Variants in PDCD4 observed in about 807,000 individuals in gnomAD.
PDCD4 encodes the protein programmed cell death 4, also known as programmed cell death protein 4.
Under a neutral mutation model 54.0 loss-of-function variants are expected in PDCD4, and 56 were observed. The ratio of observed to expected loss-of-function variants is 1.04; its 90% CI spans 0.84 to 1.30. The LOEUF is 1.30. PDCD4 is among the 50% of genes most tolerant of loss of function. The probability of loss-of-function intolerance (pLI) is 0.00; values close to 1 mark genes in which losing one functional copy is unlikely to be tolerated. For synonymous variants in PDCD4, 186 were observed against 194.8 expected (o/e 0.95, Z 0.37); for missense variants, 584 against 559.8 (o/e 1.04, Z -0.44).
Position 110,889,601 on chromosome 10 carries a change from C to G in PDCD4, c.846C>G (p.Tyr282Ter). The change falls in exon 7 of 12, where the codon TAC becomes TAG. Residue 282 changes from tyrosine to a stop codon, truncating the protein, a stop_gained. Transcript: ENST00000280154. LOFTEE classifies it high-confidence loss of function. The stretch of plus-strand genomic sequence containing the variant: ...TATGTAATACCTATATTGATAGTTA[C>G]AAAGGAACTGTAGATTGTGTGCAGG... Reference protein sequence around the residue: ...GILCNTYIDSYKGTVDCVQAR... With the variant: ...GILCNTYIDS The G allele has an allele frequency of 6.2e-7, 1 of 1,601,770 alleles. No homozygotes were observed. The highest frequency in any genetic ancestry group is 8.5e-7 in the Non-Finnish European group (1 of 1,169,688).
Position 110,899,856 on chromosome 10 carries a change from A to G in PDCD4, c.*1768A>G, listed in dbSNP as rs1845942324. 6.6e-6 allele frequency: 1 copy of G among 152,430 alleles called. No individual in the cohort carries two copies. Among genetic ancestry groups the G allele is most frequent in the African/African-American group, 2.4e-5 (1 of 41,440 alleles). The allele number at this position is 152,430 out of a possible 1,614,324, so 9.4% of individuals were successfully genotyped here. A position where few individuals can be genotyped will look rare whatever the true frequency, so the allele number is the denominator to read the frequency against. The stretch of plus-strand genomic sequence containing the variant: ...GTCATTACTGGTGGGATCTGGTCAC[A>G]CAAGATAGCATTAAACGTGACATGG... On this transcript the variant is annotated 3_prime_UTR_variant, in exon 12 of 12. Transcript: ENST00000280154.
At chr10:110,875,885 G>T in intron 1 of PDCD4, 81 bp from the exon 2 acceptor site, 1 of 529,848 alleles carries the variant, frequency 1.9e-6, no homozygotes, top group East Asian at 3.4e-5. Context: ...TTTTTACAGT[G>T]TGCTTAAGTA....
chr10:110,890,486 C>T, intron 7 of PDCD4, 70 bp from the exon 8 acceptor site: 1 of 763,598 alleles, frequency 1.3e-6, no homozygotes, highest in Non-Finnish European at 2.1e-6. Flanking sequence ...ATTTTGTCAG[C>T]TTTATCCCTA....
At chr10:110,876,159 A>G (rs1283039402) in intron 2 of PDCD4, 89 bp downstream of exon 2, 3 of 1,000,160 alleles carry the variant, frequency 3.0e-6, no homozygotes, top group East Asian at 5.7e-5. Flanking sequence ...TGGTGTGATC[A>G]TGGCTCACTG....
chr10:110,896,571 G>A (rs767443772), intron 11 of PDCD4, among the ~76,000 whole-genome samples: 1 of 152,022 alleles, frequency 6.6e-6, no homozygotes, highest in Non-Finnish European at 1.5e-5. Flanking sequence ...TGTGTGTGTT[G>A]GGGGGTGTGT....
intron 4 of PDCD4, among the ~76,000 whole-genome samples, chr10:110,884,145 C>CTGCTGTCCAGCTTCATCCACCTCA (rs1269879218): frequency 6.6e-6 from 1 of 152,216 alleles, no homozygotes; most frequent in Non-Finnish European, 1.5e-5. Context: ...ATGAGATCTC[C>CTGCTGTCCAGCTTCATCCACCTCA]TGCTGTCCAG....
chr10:110,890,703 A>G (rs762681102), intron 8 of PDCD4, 33 bp downstream of exon 8: 4 of 1,365,396 alleles, frequency 2.9e-6, no homozygotes, highest in Admixed American at 1.7e-5. Flanking sequence ...AACTTAATTT[A>G]TATGTATTCC....
intron 5 of PDCD4, among the ~76,000 whole-genome samples, chr10:110,887,100 G>A (rs529686912): frequency 8.6e-4 from 131 of 152,274 alleles, no homozygotes; most frequent in African/African-American, 3.0e-3. Flanking sequence ...AACTAGCCAT[G>A]AGCTGCATAA....
rs759745491 is a variant in PDCD4 at position 110,881,273 on chromosome 10, A to C, written c.84A>C (p.Glu28Asp). ...GTGACTCTCTCTTTTCCGGTGATGA[A>C]GAAAATGCTGGGACTGAGGAAATAA... The part of the protein sequence containing the change: ...NLSDSLFSGD[E>D]ENAGTEEIKN... The change falls in exon 3 of 12, where the codon GAA becomes GAC. Residue 28 changes from glutamate (E) to aspartate (D), a missense_variant. Coordinates refer to ENST00000280154, the MANE Select transcript of PDCD4 (RefSeq NM_014456.5). The C allele has an allele frequency of 6.2e-7, 1 of 1,613,592 alleles. No homozygotes were observed. Among genetic ancestry groups the C allele is most frequent in the African/African-American group, 1.3e-5 (1 of 74,998 alleles).
chr10:110,882,944 A>T, intron 3 of PDCD4, 59 bp from the exon 4 acceptor site: 1 of 1,030,480 alleles, frequency 9.7e-7, no homozygotes, highest in Middle Eastern at 2.3e-4. Context: ...ATTTTATTTT[A>T]GATTTCAACA....
At chr10:110,888,733 C>T (rs1191913858) in intron 6 of PDCD4, among the ~76,000 whole-genome samples, 2 of 152,044 alleles carry the variant, frequency 1.3e-5, no homozygotes, top group Non-Finnish European at 2.9e-5. Flanking sequence ...TGGTAAATAT[C>T]TTTCCCTGTG....
chr10:110,885,828 C>T (rs921742416), intron 5 of PDCD4, among the ~76,000 whole-genome samples: 1 of 151,696 alleles, frequency 6.6e-6, no homozygotes, highest in Non-Finnish European at 1.5e-5. Flanking sequence ...AAAAACCCCA[C>T]AAATAATAAA....
At chr10:110,894,557 A>T (rs1223784975) in intron 10 of PDCD4, 35 bp downstream of exon 10, 1 of 909,332 alleles carries the variant, frequency 1.1e-6, no homozygotes, top group Non-Finnish European at 1.8e-6. Context: ...AACTTGTAGG[A>T]TTATGTCTTA....
intron 4 of PDCD4, among the ~76,000 whole-genome samples, chr10:110,884,043 T>TA (rs1845632770): frequency 6.6e-6 from 1 of 152,230 alleles, no homozygotes; most frequent in African/African-American, 2.4e-5. Context: ...CAGTTTCAGT[T>TA]ACCCATGGTC....
chr10:110,880,502 A>G (rs1845574223), intron 2 of PDCD4: 1 of 152,196 alleles, frequency 6.6e-6, no homozygotes, highest in Non-Finnish European at 1.5e-5. Flanking sequence ...AATAGGAGAA[A>G]AGTTTAGGGA....
At chr10:110,886,796 C>T (rs906681197) in intron 5 of PDCD4, among the ~76,000 whole-genome samples, 1 of 152,132 alleles carries the variant, frequency 6.6e-6, no homozygotes, top group African/African-American at 2.4e-5. Flanking sequence ...TAAGTATTAG[C>T]TGCAGCTATT....
intron 10 of PDCD4, among the ~76,000 whole-genome samples, 174 bp from the exon 11 acceptor site, chr10:110,895,774 G>A (rs1269518148): frequency 6.6e-6 from 1 of 152,140 alleles, no homozygotes; most frequent in African/African-American, 2.4e-5. Flanking sequence ...GAGAACAGTT[G>A]TAAAACACTG....
At chr10:110,895,443 G>T (rs140305268) in intron 10 of PDCD4, among the ~76,000 whole-genome samples, 1 of 152,204 alleles carries the variant, frequency 6.6e-6, no homozygotes, top group Non-Finnish European at 1.5e-5. Context: ...CATTCCATGG[G>T]CGTATATGTA....
In PDCD4 at chr10:110,883,036, C is replaced by T. The variant is rs144931822; in HGVS notation, c.380C>T (p.Pro127Leu). ...GGAGGCAAAGGTGTCTGGGGTACAC[C>T]TGGACAGGTGTATGATGTGGAGGAG... is the stretch of plus-strand genomic sequence containing the variant. ...GAGGKGVWGT[P>L]GQVYDVEEVD... Residue 127 changes from proline to leucine, a missense_variant, in exon 4 of 12, where the codon CCT (proline) becomes CTT (leucine). By Grantham distance (98) the Pro-to-Leu change is moderately conservative. Transcript: ENST00000280154. The T allele has an allele frequency of 1.6e-5, 26 of 1,601,476 alleles. No individual in the cohort carries two copies. The highest frequency in any genetic ancestry group is 2.0e-5 in the Non-Finnish European group (24 of 1,175,044).
Sources: gnomAD v4.1 joint callset for allele counts (sites outside exome capture counted in the v4.1 genomes callset) on GRCh38, gnomAD v4.1.1 for gene constraint, MANE v1.5 for transcripts, NCBI Gene and HGNC (gene_info 2026-07-23, HGNC 2026-07-21) for gene names.